FAM47E: variants seen among roughly 807,000 people sequenced by gnomAD.
The protein encoded by FAM47E is family with sequence similarity 47 member E.
FAM47E carries 32 observed loss-of-function variants against 41.6 expected under a neutral mutation model. That is an observed-to-expected ratio of 0.77 (90% CI 0.58 to 1.03). The LOEUF (loss-of-function observed/expected upper bound fraction) is 1.03. Among genes scored for constraint, FAM47E ranks in the 50% least tolerant of loss-of-function variants. The pLI is 0.00. For missense variants in FAM47E, 424 were observed against 485.4 expected (o/e 0.87, Z 1.19); for synonymous variants, 184 against 188.7 (o/e 0.98, Z 0.20).
chr4:76,244,203 C>T (rs1288310519), intron 2 of FAM47E, among the ~76,000 whole-genome samples: 7 of 152,086 alleles, frequency 4.6e-5, no homozygotes, highest in Admixed American at 2.0e-4. Context: ...AATAAACATA[C>T]GTGTGCATGT....
intron 2 of FAM47E, among the ~76,000 whole-genome samples, chr4:76,240,102 T>C (rs1733676163): frequency 6.6e-6 from 1 of 152,252 alleles, no homozygotes; most frequent in Non-Finnish European, 1.5e-5. Context: ...TTTTGATCGC[T>C]GTAACTTTGT....
chr4:76,263,133 GA>G (rs1337741145), intron 2 of FAM47E, among the ~76,000 whole-genome samples: 1 of 151,978 alleles, frequency 6.6e-6, no homozygotes, highest in Non-Finnish European at 1.5e-5. Flanking sequence ...TCAGATGACT[GA>G]AATTATAAAG....
rs1428651528 is a variant in FAM47E at position 76,263,716 on chromosome 4, G to C, written c.433G>C (p.Val145Leu). The C allele has an allele frequency of 6.4e-7, 1 of 1,551,310 alleles. No individual in the cohort carries two copies. The highest frequency in any genetic ancestry group is 1.4e-5 in the African/African-American group (1 of 72,954). ...EAMPIELLSK[V>L]LEVLDPDRKL... ...TTTCTGTTTGTAGCTCTTATCAAAG[G>C]TGCTGGAAGTGCTTGATCCTGACCG... The change falls in exon 3 of 8, where the codon GTG (valine) becomes CTG (leucine). Residue 145 changes from valine (V) to leucine (L), a missense_variant. Val to Leu is a conservative substitution (Grantham distance 32). Transcript: ENST00000424749.
intron 5 of FAM47E, among the ~76,000 whole-genome samples, chr4:76,276,688 A>G (rs1275848381): frequency 6.6e-6 from 1 of 152,218 alleles, no homozygotes; most frequent in Non-Finnish European, 1.5e-5. Flanking sequence ...ATGCCACTGA[A>G]AAGATGACAT....
intron 5 of FAM47E, 44 bp from the exon 6 acceptor site, chr4:76,278,024 CA>C (rs1331454574): frequency 7.1e-7 from 1 of 1,408,414 alleles, no homozygotes; most frequent in African/African-American, 1.5e-5. Context: ...AAATGACAAA[CA>C]AACAAAAAAT....
chr4:76,256,080 C>A, intron 1 of FAM47E, 98 bp from the exon 2 acceptor site: 1 of 1,376,968 alleles, frequency 7.3e-7, no homozygotes. Context: ...AGCTGGAGAC[C>A]AGCCTTTTTA....
intron 1 of FAM47E, among the ~76,000 whole-genome samples, chr4:76,253,244 AC>A (rs1418003675): frequency 4.6e-5 from 7 of 152,204 alleles, no homozygotes. Flanking sequence ...GTGTGGATGT[AC>A]CACAGTTTGT....
At chr4:76,234,039 G>A (rs1733538658) in intron 2 of FAM47E, among the ~76,000 whole-genome samples, 1 of 152,242 alleles carries the variant, frequency 6.6e-6, no homozygotes, top group Admixed American at 6.5e-5. Flanking sequence ...GCGGGTCAGA[G>A]ATGGCCTTTC....
intron 5 of FAM47E, among the ~76,000 whole-genome samples, chr4:76,277,418 G>A (rs7699714): frequency 0.35 from 53,347 of 151,696 alleles, 10,150 homozygotes; most frequent in Admixed American, 0.41. Flanking sequence ...CCTGCGAGGC[G>A]GAGCTTGCAG....
chr4:76,246,518 G>A (rs999495412), intron 2 of FAM47E, among the ~76,000 whole-genome samples: 1 of 152,014 alleles, frequency 6.6e-6, no homozygotes, highest in African/African-American at 2.4e-5. Flanking sequence ...TTTCCTGATG[G>A]AAAATGCTGC....
rs559232312 is a variant in FAM47E at position 76,283,587 on chromosome 4, A to G, written c.*129A>G. 5.8e-4 allele frequency: 358 copies of G among 612,668 alleles called. 2 individuals carry two copies. The highest frequency in any genetic ancestry group is 9.1e-4 in the Non-Finnish European group (312 of 342,454). 38.0% of individuals were successfully genotyped at this position (612,668 alleles called of 1,614,324 possible). A position where few individuals can be genotyped will look rare whatever the true frequency, so the allele number is the denominator to read the frequency against. ...GTGGATGTTCAACTTTGACTTGGCA[A>G]CATCTGTAAATGTAATACCTGATGG... is the stretch of plus-strand genomic sequence containing the variant. On this transcript the variant is annotated 3_prime_UTR_variant, in exon 8 of 8. Coordinates refer to ENST00000424749, the MANE Select transcript of FAM47E (RefSeq NM_001136570.3).
At chr4:76,250,146 A>T (rs911142342), upstream of FAM47E, among the ~76,000 whole-genome samples, 7 of 152,218 alleles carry the variant, frequency 4.6e-5, no homozygotes, top group South Asian at 1.4e-3. Flanking sequence ...ACTGTTTTCC[A>T]TAGTGGTTTT....
At chr4:76,271,487 G>T in intron 4 of FAM47E, 81 bp from the exon 5 acceptor site, 1 of 1,483,648 alleles carries the variant, frequency 6.7e-7, no homozygotes, top group African/African-American at 1.4e-5. Flanking sequence ...TCTTTCCTCA[G>T]CGATGGCCCT....
At chr4:76,282,554 A>G (rs1007574844) in intron 7 of FAM47E, 8 of 152,160 alleles carry the variant, frequency 5.3e-5, no homozygotes, top group African/African-American at 1.9e-4. Context: ...TGGCAGCCCA[A>G]CCTGGCATTG....
chr4:76,222,604 C>T (rs1187661311), intron 2 of FAM47E, among the ~76,000 whole-genome samples: 3 of 152,146 alleles, frequency 2.0e-5, no homozygotes, highest in East Asian at 1.9e-4. Flanking sequence ...TCTCAAGTTC[C>T]GGGTAATCAT....
At chr4:76,272,211 G>A (rs534108962) in intron 5 of FAM47E, among the ~76,000 whole-genome samples, 1 of 152,294 alleles carries the variant, frequency 6.6e-6, no homozygotes, top group South Asian at 2.1e-4. Flanking sequence ...TGATTAACAA[G>A]TTTCCTCAGC....
intron 6 of FAM47E, chr4:76,279,293 CAAATT>C (rs1735254666): frequency 6.6e-6 from 1 of 152,052 alleles, no homozygotes; most frequent in South Asian, 2.1e-4. Flanking sequence ...CATTTTTTCT[CAAATT>C]AAATATTTAA....
intron 1 of FAM47E, among the ~76,000 whole-genome samples, 167 bp from the exon 2 acceptor site, chr4:76,256,011 G>T (rs1168025390): frequency 6.6e-6 from 1 of 152,088 alleles, no homozygotes; most frequent in African/African-American, 2.4e-5. Flanking sequence ...TATGAACTAG[G>T]AATATGATTA....
intron 6 of FAM47E, chr4:76,278,549 C>A: frequency 2.8e-6 from 1 of 363,102 alleles, no homozygotes; most frequent in Non-Finnish European, 4.9e-6. Context: ...ACCTCAGTGC[C>A]CAGAATAGAT....
Sources: allele counts gnomAD v4.1 joint callset (sites outside exome capture counted in the v4.1 genomes callset), GRCh38; gene constraint gnomAD v4.1.1; transcripts MANE v1.5; gene names NCBI Gene and HGNC (gene_info 2026-07-23, HGNC 2026-07-21).